The following PCDH9 variants were observed in gnomAD, a reference collection of about 807,000 sequenced individuals.
PCDH9 encodes the protein protocadherin 9, also known as protocadherin-9.
PCDH9 carries 24 observed loss-of-function variants against 70.6 expected under a neutral mutation model. That is an observed-to-expected ratio of 0.34 (90% CI 0.25 to 0.48). PCDH9 has a LOEUF of 0.48. PCDH9 is among the 20% of genes least tolerant of loss of function. The pLI is 0.99. For missense variants in PCDH9, 1,281 were observed against 1,503.6 expected, an observed-to-expected ratio of 0.85 and a Z score of 2.45; for synonymous variants, 562 against 558.5, an observed-to-expected ratio of 1.01 and a Z score of -0.09.
At chr13:66,614,840 C>T (rs1352894386) in intron 4 of PCDH9, among the ~76,000 whole-genome samples, 1 of 152,182 alleles carries the variant, frequency 6.6e-6, no homozygotes, top group Non-Finnish European at 1.5e-5. Flanking sequence ...CATTTATAAC[C>T]TGACGCGTCC....
chr13:66,991,850 G>T (rs560488597), intron 2 of PCDH9, among the ~76,000 whole-genome samples: 2 of 152,178 alleles, frequency 1.3e-5, no homozygotes, highest in East Asian at 3.9e-4. Flanking sequence ...ACAAGAAAAA[G>T]ATGTAACATA....
intron 3 of PCDH9, among the ~76,000 whole-genome samples, chr13:66,642,574 G>C (rs184091041): frequency 1.3e-5 from 2 of 151,932 alleles, no homozygotes; most frequent in African/African-American, 2.4e-5. Context: ...TTATGGTTTT[G>C]AATTGTTTTG....
At chr13:67,019,188 C>CTTTTTTTTTTTTTTTTTT (rs60154161) in intron 2 of PCDH9, among the ~76,000 whole-genome samples, 3 of 102,728 alleles carry the variant, frequency 2.9e-5, no homozygotes, top group Non-Finnish European at 3.6e-5. Flanking sequence ...GGCAGTTGCT[C>CTTTTTTTTTTTTTTTTTT]TTTTTTTTTT....
chr13:67,162,698 T>A (rs2087995434), intron 2 of PCDH9, among the ~76,000 whole-genome samples: 1 of 152,158 alleles, frequency 6.6e-6, no homozygotes, highest in Non-Finnish European at 1.5e-5. Flanking sequence ...CTTCAGAGTC[T>A]TTAACATCTT....
intron 2 of PCDH9, among the ~76,000 whole-genome samples, chr13:66,933,981 T>C (rs1276573504): frequency 6.6e-6 from 1 of 151,600 alleles, no homozygotes; most frequent in Non-Finnish European, 1.5e-5. Context: ...CGTGTAATCA[T>C]GCTGAACAAA....
intron 4 of PCDH9, among the ~76,000 whole-genome samples, chr13:66,441,882 A>G (rs922106925): frequency 1.3e-5 from 2 of 152,168 alleles, no homozygotes; most frequent in African/African-American, 4.8e-5. Flanking sequence ...CTGGGTTTCT[A>G]CATTATAAGT....
chr13:66,727,237 G>T (rs1406351579), intron 3 of PCDH9, among the ~76,000 whole-genome samples: 1 of 152,096 alleles, frequency 6.6e-6, no homozygotes. Flanking sequence ...CACCAGCCAG[G>T]ATGACAGAGT....
At chr13:66,821,046 G>A (rs1050031793) in intron 3 of PCDH9, among the ~76,000 whole-genome samples, 1 of 151,996 alleles carries the variant, frequency 6.6e-6, no homozygotes, top group Non-Finnish European at 1.5e-5. Flanking sequence ...CTATTCATAA[G>A]CTTCGAATAC....
intron 2 of PCDH9, among the ~76,000 whole-genome samples, chr13:67,091,480 A>G (rs2086217022): frequency 6.6e-6 from 1 of 152,086 alleles, no homozygotes; most frequent in Non-Finnish European, 1.5e-5. Context: ...ACTTGCTGCC[A>G]ATGTTGTTCT....
intron 2 of PCDH9, among the ~76,000 whole-genome samples, chr13:67,137,135 G>T (rs574743296): frequency 3.3e-5 from 5 of 151,966 alleles, no homozygotes; most frequent in Admixed American, 2.6e-4. Context: ...TAAAAAAAAA[G>T]AAAATTATCT....
At chr13:66,726,157 C>T (rs2079002733) in intron 3 of PCDH9, among the ~76,000 whole-genome samples, 1 of 152,168 alleles carries the variant, frequency 6.6e-6, no homozygotes, top group African/African-American at 2.4e-5. Flanking sequence ...AAAGAGGAGA[C>T]ATACACATTC....
At chr13:66,645,909 T>G (rs2077764828) in intron 3 of PCDH9, among the ~76,000 whole-genome samples, 1 of 152,214 alleles carries the variant, frequency 6.6e-6, no homozygotes, top group Non-Finnish European at 1.5e-5. Flanking sequence ...ATCCAATCTA[T>G]ACAGGGAAGT....
At chr13:66,550,678 A>C (rs1180925645) in intron 4 of PCDH9, among the ~76,000 whole-genome samples, 1 of 152,160 alleles carries the variant, frequency 6.6e-6, no homozygotes, top group Admixed American at 6.6e-5. Flanking sequence ...TACATGAGAG[A>C]AAAATAAACT....
At chr13:67,196,172 A>T (rs1179746218) in intron 2 of PCDH9, among the ~76,000 whole-genome samples, 1 of 152,154 alleles carries the variant, frequency 6.6e-6, no homozygotes, top group Non-Finnish European at 1.5e-5. Flanking sequence ...TTTACCTAAT[A>T]GAGCTGTTTT....
At chr13:66,714,726 G>C (rs1390842695) in intron 3 of PCDH9, among the ~76,000 whole-genome samples, 2 of 152,068 alleles carry the variant, frequency 1.3e-5, no homozygotes, top group African/African-American at 2.4e-5. Flanking sequence ...TTTTATGTGG[G>C]TTGAGTTAGG....
At chr13:67,111,088 G>A (rs2086650802) in intron 2 of PCDH9, among the ~76,000 whole-genome samples, 1 of 152,166 alleles carries the variant, frequency 6.6e-6, no homozygotes, top group African/African-American at 2.4e-5. Context: ...ATGGCATGTA[G>A]TTGTTTCAGA....
At chr13:66,560,949 G>A (rs377745644) in intron 4 of PCDH9, among the ~76,000 whole-genome samples, 16 of 152,360 alleles carry the variant, frequency 1.1e-4, no homozygotes, top group East Asian at 3.9e-4. Context: ...CTCTGCCTGG[G>A]CTCCCACTTT....
chr13:66,712,077 AAC>A (rs2078802593), intron 3 of PCDH9, among the ~76,000 whole-genome samples: 1 of 152,180 alleles, frequency 6.6e-6, no homozygotes, highest in Non-Finnish European at 1.5e-5. Context: ...CTGAATTTTT[AAC>A]AGTTATATAG....
At chr13:66,794,478 G>A (rs1420077216) in intron 3 of PCDH9, among the ~76,000 whole-genome samples, 1 of 152,134 alleles carries the variant, frequency 6.6e-6, no homozygotes, top group African/African-American at 2.4e-5. Flanking sequence ...TTACTTCAGT[G>A]CCAGAAGCGT....
Sources: gnomAD v4.1 joint callset for allele counts (sites outside exome capture counted in the v4.1 genomes callset) on GRCh38, gnomAD v4.1.1 for gene constraint, MANE v1.5 for transcripts, NCBI Gene and HGNC (gene_info 2026-07-23, HGNC 2026-07-21) for gene names.